The following NCKAP5 variants were observed in gnomAD, a reference collection of about 807,000 sequenced individuals.
NCKAP5 encodes nck-associated protein 5.
Under a neutral mutation model 167.0 loss-of-function variants are expected in NCKAP5, and 92 were observed. That is an observed-to-expected ratio of 0.55 (90% CI 0.47 to 0.66). The LOEUF (loss-of-function observed/expected upper bound fraction) is 0.66, where lower values mean the gene tolerates loss of function less well. Ranked by LOEUF, NCKAP5 falls within the 30% of genes least tolerant of loss-of-function variation. NCKAP5 has a pLI of 0.00. For synonymous variants in NCKAP5, 891 were observed against 877.4 expected, an observed-to-expected ratio of 1.02 and a Z score of -0.27; for missense variants, 2,378 against 2,315.0, an observed-to-expected ratio of 1.03 and a Z score of -0.56.
At chr2:132,723,356 G>T (rs1219219771) in intron 19 of NCKAP5, among the ~76,000 whole-genome samples, 5 of 151,132 alleles carry the variant, frequency 3.3e-5, no homozygotes, top group Admixed American at 3.3e-4. Flanking sequence ...TAGAGACGGG[G>T]TTTCACCGTG....
the NCKAP5 span, among the ~76,000 whole-genome samples, chr2:133,576,694 G>A: frequency 1.3e-5 from 2 of 152,164 alleles, no homozygotes; most frequent in Non-Finnish European, 2.9e-5. Context: ...GTGAGAGGGG[G>A]TAACTAAGAT....
At chr2:133,213,897 T>C in intron 4 of NCKAP5, 118 bp from the exon 5 acceptor site, 1 of 861,272 alleles carries the variant, frequency 1.2e-6, no homozygotes, top group Admixed American at 2.0e-5. Flanking sequence ...TTTAGCTCAC[T>C]TCCTCCTCTA....
intron 8 of NCKAP5, among the ~76,000 whole-genome samples, chr2:132,960,612 G>C (rs1240031257): frequency 2.0e-5 from 3 of 152,200 alleles, no homozygotes; most frequent in African/African-American, 2.4e-5. Flanking sequence ...TGACGAATGT[G>C]AGTCGGAACT....
At chr2:133,576,072 C>T in the NCKAP5 span, among the ~76,000 whole-genome samples, 1 of 152,136 alleles carries the variant, frequency 6.6e-6, no homozygotes, top group South Asian at 2.1e-4. Context: ...TCACAGTAGG[C>T]CTAAAAGGTA....
chr2:132,987,046 G>A (rs548032245), intron 7 of NCKAP5, among the ~76,000 whole-genome samples: 89 of 152,278 alleles, frequency 5.8e-4, no homozygotes, highest in African/African-American at 2.0e-3. Context: ...GTTGCTAGGC[G>A]GAGGGTGCTA....
At chr2:132,691,086 A>T (rs1257156364) in intron 19 of NCKAP5, among the ~76,000 whole-genome samples, 1 of 152,192 alleles carries the variant, frequency 6.6e-6, no homozygotes, top group East Asian at 1.9e-4. Flanking sequence ...GGCCTAAAAT[A>T]GTTCCCATTC....
chr2:133,362,894 T>C (rs1299814346), intron 3 of NCKAP5, among the ~76,000 whole-genome samples: 1 of 151,656 alleles, frequency 6.6e-6, no homozygotes, highest in East Asian at 1.9e-4. Flanking sequence ...GCTGGGACTA[T>C]AGGTGCCCGC....
intron 3 of NCKAP5, among the ~76,000 whole-genome samples, chr2:133,447,097 G>A (rs4471935): frequency 0.29 from 43,851 of 151,770 alleles, 6,680 homozygotes; most frequent in African/African-American, 0.35. Flanking sequence ...GGAAATGTGC[G>A]TAAAAGGTAT....
At chr2:132,919,237 G>T (rs1245878447) in intron 8 of NCKAP5, among the ~76,000 whole-genome samples, 1 of 152,186 alleles carries the variant, frequency 6.6e-6, no homozygotes, top group Non-Finnish European at 1.5e-5. Flanking sequence ...AAAGAAAAAT[G>T]CACTTTCAGG....
At chr2:132,731,579 T>C (rs1286472052) in intron 17 of NCKAP5, among the ~76,000 whole-genome samples, 158 bp downstream of exon 17, 1 of 152,232 alleles carries the variant, frequency 6.6e-6, no homozygotes, top group East Asian at 1.9e-4. Flanking sequence ...GATATTGTCT[T>C]ATACACATTG....
intron 8 of NCKAP5, among the ~76,000 whole-genome samples, chr2:132,895,747 C>T (rs1410913962): frequency 1.4e-5 from 2 of 146,088 alleles, no homozygotes; most frequent in Non-Finnish European, 3.0e-5. Context: ...TACAGATGTG[C>T]AGTCTGAGGC....
At chr2:132,793,555 T>C (rs1299564583) in intron 12 of NCKAP5, among the ~76,000 whole-genome samples, 4 of 152,246 alleles carry the variant, frequency 2.6e-5, no homozygotes, top group Non-Finnish European at 5.9e-5. Flanking sequence ...TCAATGCTGC[T>C]ATTCTGTGAC....
intron 6 of NCKAP5, among the ~76,000 whole-genome samples, chr2:133,038,226 A>G (rs138105275): frequency 3.0e-3 from 455 of 152,308 alleles, no homozygotes; most frequent in Non-Finnish European, 5.0e-3. Flanking sequence ...TGAAGTGTTC[A>G]TCAACAGATG....
chr2:132,752,472 A>G (rs999172833), intron 16 of NCKAP5, among the ~76,000 whole-genome samples: 2 of 152,222 alleles, frequency 1.3e-5, no homozygotes, highest in Non-Finnish European at 2.9e-5. Flanking sequence ...ACTGTTTTAC[A>G]TAAAGGATGA....
chr2:133,442,460 G>T (rs953295193), intron 3 of NCKAP5, among the ~76,000 whole-genome samples: 11 of 152,240 alleles, frequency 7.2e-5, no homozygotes, highest in African/African-American at 2.6e-4. Context: ...CTTATTGTCC[G>T]CACCAGGGGT....
intron 8 of NCKAP5, among the ~76,000 whole-genome samples, chr2:132,894,397 T>C (rs755316263): frequency 6.6e-6 from 1 of 152,194 alleles, no homozygotes; most frequent in Non-Finnish European, 1.5e-5. Flanking sequence ...TAAAGTGCCA[T>C]GGGAGATTTT....
chr2:133,182,153 T>A (rs1469912845), intron 5 of NCKAP5, among the ~76,000 whole-genome samples: 5 of 152,184 alleles, frequency 3.3e-5, no homozygotes, highest in Non-Finnish European at 1.5e-5. Flanking sequence ...TACACAATTA[T>A]AGTTGTAGAC....
At chr2:133,080,655 A>T (rs2080771495) in intron 6 of NCKAP5, among the ~76,000 whole-genome samples, 2 of 152,178 alleles carry the variant, frequency 1.3e-5, no homozygotes, top group South Asian at 4.1e-4. Context: ...TTAAAAAATG[A>T]AACTAACACT....
At chr2:133,516,807 T>A (rs1483943655) in intron 3 of NCKAP5, among the ~76,000 whole-genome samples, 1 of 152,212 alleles carries the variant, frequency 6.6e-6, no homozygotes, top group Non-Finnish European at 1.5e-5. Context: ...CCTTGCTCTG[T>A]TCACACGCAT....
Sources: allele counts gnomAD v4.1 joint callset (sites outside exome capture counted in the v4.1 genomes callset), GRCh38; gene constraint gnomAD v4.1.1; transcripts MANE v1.5; gene names NCBI Gene and HGNC (gene_info 2026-07-23, HGNC 2026-07-21).